The following ARID4B variants were observed in gnomAD, a reference collection of about 807,000 sequenced individuals.
ARID4B encodes the protein AT-rich interaction domain 4B.
Under a neutral mutation model 147.5 loss-of-function variants are expected in ARID4B, and 26 were observed. The observed-to-expected ratio is 0.18, with a 90% confidence interval of 0.13 to 0.24. ARID4B has a LOEUF of 0.24. Among genes scored for constraint, ARID4B ranks in the 10% least tolerant of loss-of-function variants. ARID4B has a pLI of 1.00. For missense variants in ARID4B, 1,179 were observed against 1,511.5 expected (o/e 0.78, Z 3.65); for synonymous variants, 512 against 507.9 (o/e 1.01, Z -0.11).
At chr1:235,186,582 T>C (rs1159978836) in intron 19 of ARID4B, among the ~76,000 whole-genome samples, 1 of 152,178 alleles carries the variant, frequency 6.6e-6, no homozygotes, top group South Asian at 2.1e-4. Context: ...TTTGTATTTT[T>C]AGCAGAGATG....
intron 22 of ARID4B, among the ~76,000 whole-genome samples, chr1:235,174,932 T>C (rs1663749533): frequency 6.6e-6 from 1 of 151,912 alleles, no homozygotes; most frequent in Non-Finnish European, 1.5e-5. Context: ...GGTGAAACCC[T>C]GTCTCTACTA....
chr1:235,265,980 TAA>T (rs1670583360), intron 2 of ARID4B, among the ~76,000 whole-genome samples: 5 of 152,188 alleles, frequency 3.3e-5, no homozygotes, highest in Admixed American at 3.3e-4. Flanking sequence ...ACAAATGGGT[TAA>T]GTCATAAAAA....
chr1:235,312,580 G>C (rs898356165), intron 2 of ARID4B, among the ~76,000 whole-genome samples: 2 of 152,140 alleles, frequency 1.3e-5, no homozygotes, highest in Non-Finnish European at 2.9e-5. Context: ...CTCCAAGTTA[G>C]AGCAAAGCAC....
chr1:235,205,936 G>A (rs532945449), intron 17 of ARID4B, among the ~76,000 whole-genome samples: 49 of 152,252 alleles, frequency 3.2e-4, no homozygotes, highest in African/African-American at 1.2e-3. Flanking sequence ...TCGTCTCTGT[G>A]GAAAAGTTTG....
chr1:235,220,031 T>A, intron 15 of ARID4B, 63 bp from the exon 16 acceptor site: 1 of 1,148,350 alleles, frequency 8.7e-7, no homozygotes, highest in South Asian at 1.8e-5. Context: ...TATCCATGGT[T>A]TATCTCTTAG....
chr1:235,235,936 T>G (rs1248654463), intron 8 of ARID4B, among the ~76,000 whole-genome samples: 2 of 150,472 alleles, frequency 1.3e-5, no homozygotes, highest in Non-Finnish European at 2.9e-5. Flanking sequence ...TTGTTTCCTT[T>G]TTCTTTTTCT....
chr1:235,257,091 GAATT>G, intron 4 of ARID4B, 65 bp downstream of exon 4: 1 of 1,065,028 alleles, frequency 9.4e-7, no homozygotes, highest in Non-Finnish European at 1.4e-6. Context: ...AAGAGCCAAT[GAATT>G]AATACCAAGT....
intron 19 of ARID4B, among the ~76,000 whole-genome samples, chr1:235,188,175 T>C (rs1191683986): frequency 6.6e-6 from 1 of 152,176 alleles, no homozygotes; most frequent in African/African-American, 2.4e-5. Context: ...ATATGTCATA[T>C]ATATGGTATA....
chr1:235,193,378 C>G (rs140225410), intron 19 of ARID4B, among the ~76,000 whole-genome samples: 2 of 152,286 alleles, frequency 1.3e-5, no homozygotes, highest in African/African-American at 4.8e-5. Flanking sequence ...ACCTAGGCTA[C>G]AGAGTGAGAC....
chr1:235,229,442 A>C, intron 10 of ARID4B, 57 bp from the exon 11 acceptor site: 1 of 1,225,866 alleles, frequency 8.2e-7, no homozygotes, highest in Non-Finnish European at 1.2e-6. Flanking sequence ...TGTTTTCTCA[A>C]AAAGTATTAA....
chr1:235,255,260 TAG>T (rs1309068828), intron 5 of ARID4B, among the ~76,000 whole-genome samples: 49 of 124,694 alleles, frequency 3.9e-4, no homozygotes, highest in African/African-American at 1.3e-3. Flanking sequence ...GATAGATAGA[TAG>T]ATATATATCT....
At chr1:235,291,069 C>T (rs914386790) in intron 2 of ARID4B, among the ~76,000 whole-genome samples, 1 of 152,116 alleles carries the variant, frequency 6.6e-6, no homozygotes, top group African/African-American at 2.4e-5. Flanking sequence ...TACTGCACTC[C>T]TGCCTGTGTG....
chr1:235,234,087 C>CA (rs1668410375), intron 9 of ARID4B, among the ~76,000 whole-genome samples: 3 of 151,948 alleles, frequency 2.0e-5, no homozygotes, highest in African/African-American at 4.8e-5. Context: ...TCAAAAAAAA[C>CA]AAAAAAATCA....
At chr1:235,208,815 C>A (rs1666504876) in intron 17 of ARID4B, among the ~76,000 whole-genome samples, 1 of 152,160 alleles carries the variant, frequency 6.6e-6, no homozygotes, top group Non-Finnish European at 1.5e-5. Flanking sequence ...CCGTGCCCGG[C>A]CGGCCAGCAA....
chr1:235,232,689 T>C (rs1441322001), intron 9 of ARID4B, among the ~76,000 whole-genome samples: 1 of 152,202 alleles, frequency 6.6e-6, no homozygotes, highest in Non-Finnish European at 1.5e-5. Context: ...TTATTCATCT[T>C]ACCAATAAAA....
intron 19 of ARID4B, among the ~76,000 whole-genome samples, chr1:235,184,457 T>G (rs1664536802): frequency 6.6e-6 from 1 of 151,930 alleles, no homozygotes. Context: ...AAAAAGGGAC[T>G]GGGGTTTAGA....
At chr1:235,292,215 T>C (rs1222489829) in intron 2 of ARID4B, among the ~76,000 whole-genome samples, 1 of 152,208 alleles carries the variant, frequency 6.6e-6, no homozygotes, top group African/African-American at 2.4e-5. Context: ...TTGTGAAGAA[T>C]TGTGCCTACA....
intron 2 of ARID4B, among the ~76,000 whole-genome samples, chr1:235,286,633 G>T (rs1036662236): frequency 1.3e-5 from 2 of 152,164 alleles, no homozygotes; most frequent in Non-Finnish European, 2.9e-5. Context: ...GAGCTATAGT[G>T]CATGAGGAAA....
intron 6 of ARID4B, among the ~76,000 whole-genome samples, chr1:235,248,554 T>G (rs1468208430): frequency 6.6e-6 from 1 of 151,978 alleles, no homozygotes; most frequent in Non-Finnish European, 1.5e-5. Context: ...AAAATTAAGG[T>G]TGCTCTCTTT....
Sources: gnomAD v4.1 joint callset for allele counts (sites outside exome capture counted in the v4.1 genomes callset) on GRCh38, gnomAD v4.1.1 for gene constraint, MANE v1.5 for transcripts, NCBI Gene and HGNC (gene_info 2026-07-23, HGNC 2026-07-21) for gene names.